The following KCNMB3 variants were observed in gnomAD, a reference collection of about 807,000 sequenced individuals.
The protein encoded by KCNMB3 is potassium calcium-activated channel subfamily M regulatory beta subunit 3.
In KCNMB3, 18 loss-of-function variants were observed where a neutral mutation model predicts 11.9. That is an observed-to-expected ratio of 1.51 (90% CI 1.04 to 2.23). The LOEUF (loss-of-function observed/expected upper bound fraction) is 2.23. Among genes scored for constraint, KCNMB3 ranks in the 30% most tolerant of loss-of-function variants. The pLI is 0.00. For missense variants in KCNMB3, 247 were observed against 329.4 expected (o/e 0.75, Z 1.94); for synonymous variants, 78 against 119.2 (o/e 0.65, Z 2.25).
chr3:179,261,192 C>T, intron 1 of KCNMB3: 3 of 1,342,518 alleles, frequency 2.2e-6, no homozygotes, highest in Non-Finnish European at 3.0e-6. Context: ...CGTTTTGCGG[C>T]GAGCCGGGCC....
chr3:179,256,141 G>T (rs1251382364), upstream of KCNMB3, among the ~76,000 whole-genome samples: 1 of 152,142 alleles, frequency 6.6e-6, no homozygotes, highest in Non-Finnish European at 1.5e-5. Flanking sequence ...GGTAAGTAAA[G>T]ATATTAACTC....
chr3:179,246,711 A>T (rs1199912278), intron 1 of KCNMB3, among the ~76,000 whole-genome samples: 1 of 152,226 alleles, frequency 6.6e-6, no homozygotes, highest in Admixed American at 6.5e-5. Flanking sequence ...GGCATCTTGA[A>T]ATAATAATTT....
intron 1 of KCNMB3, among the ~76,000 whole-genome samples, chr3:179,263,946 T>C (rs771344061): frequency 4.6e-5 from 7 of 151,550 alleles, no homozygotes; most frequent in Non-Finnish European, 1.0e-4. Flanking sequence ...GCTGGGATTA[T>C]AGGCGCCGGC....
At chr3:179,240,388 T>C (rs1190885451), downstream of KCNMB3, 16 of 217,410 alleles carry the variant, frequency 7.4e-5, no homozygotes, top group Non-Finnish European at 1.8e-5. Flanking sequence ...AATATATGTA[T>C]ATACATATAT....
chr3:179,251,577 C>T (rs1384107723), upstream of KCNMB3: 4 of 1,292,294 alleles, frequency 3.1e-6, no homozygotes, highest in African/African-American at 1.5e-5. Flanking sequence ...TGCCTGCAAA[C>T]CTGCTCCAGC....
At chr3:179,259,270 A>C in intron 1 of KCNMB3, 1 of 1,545,126 alleles carries the variant, frequency 6.5e-7, no homozygotes, top group Non-Finnish European at 8.7e-7. Context: ...GGTACGGTGC[A>C]GTGATCTGCA....
intron 1 of KCNMB3, chr3:179,259,920 A>T: frequency 1.2e-6 from 2 of 1,613,178 alleles, no homozygotes; most frequent in Non-Finnish European, 1.7e-6. Context: ...CTCATCCCTT[A>T]ATCCTTTTTC....
chr3:179,252,761 T>C (rs1441582205), upstream of KCNMB3, among the ~76,000 whole-genome samples: 2 of 148,828 alleles, frequency 1.3e-5, no homozygotes, highest in Admixed American at 1.3e-4. Context: ...AGATGGAGTC[T>C]CCCTCTGTCA....
intron 1 of KCNMB3, among the ~76,000 whole-genome samples, chr3:179,263,375 C>A (rs1429742535): frequency 6.6e-6 from 1 of 152,248 alleles, no homozygotes; most frequent in Non-Finnish European, 1.5e-5. Context: ...GCCCGGGTTC[C>A]CGCCCGCGCC....
intron 1 of KCNMB3, among the ~76,000 whole-genome samples, 185 bp downstream of exon 1, chr3:179,250,558 C>T (rs906909175): frequency 6.6e-6 from 1 of 152,136 alleles, no homozygotes; most frequent in African/African-American, 2.4e-5. Context: ...GACCTTCTCG[C>T]CACCTCTTCC....
chr3:179,253,383 A>T (rs1416318368), upstream of KCNMB3, among the ~76,000 whole-genome samples: 1 of 152,228 alleles, frequency 6.6e-6, no homozygotes, highest in Non-Finnish European at 1.5e-5. Context: ...AAGACTTTTT[A>T]TTTATAATTT....
At chr3:179,242,448 A>G (rs1725487812), downstream of KCNMB3, 2 of 152,250 alleles carry the variant, frequency 1.3e-5, no homozygotes, top group South Asian at 4.1e-4. Context: ...TGTTTTCTTA[A>G]GTTTTCTACC....
At chr3:179,259,148 GCTGT>G (rs1726118781) in intron 1 of KCNMB3, 1 of 1,568,624 alleles carries the variant, frequency 6.4e-7, no homozygotes. Flanking sequence ...TTAGGCTATT[GCTGT>G]CTAAAGCTTT....
chr3:179,260,194 C>A, intron 1 of KCNMB3: 1 of 1,613,560 alleles, frequency 6.2e-7, no homozygotes. Flanking sequence ...GTGTGGCTCC[C>A]ACCATCTAAG....
chr3:179,259,129 C>T, intron 1 of KCNMB3: 1 of 1,579,928 alleles, frequency 6.3e-7, no homozygotes, highest in Non-Finnish European at 8.6e-7. Context: ...GCCAACAAGT[C>T]ATGGTTTTTT....
intron 1 of KCNMB3, among the ~76,000 whole-genome samples, chr3:179,262,344 C>A (rs1480506044): frequency 6.6e-6 from 1 of 152,216 alleles, no homozygotes; most frequent in African/African-American, 2.4e-5. Context: ...AGCCGCGGAC[C>A]TTCGCAGTGA....
chr3:179,257,198 C>T (rs1263128615), intron 1 of KCNMB3, among the ~76,000 whole-genome samples: 1 of 152,182 alleles, frequency 6.6e-6, no homozygotes, highest in Non-Finnish European at 1.5e-5. Context: ...GATTGTCAGA[C>T]TAGATTTAAA....
intron 1 of KCNMB3, among the ~76,000 whole-genome samples, chr3:179,256,849 G>C (rs1227584090): frequency 6.6e-6 from 1 of 152,146 alleles, no homozygotes; most frequent in African/African-American, 2.4e-5. Flanking sequence ...ACTAAATGGA[G>C]TAAATGATCC....
At chr3:179,266,659 G>A (rs764992727) in exon 1 of KCNMB3, 1 of 1,614,096 alleles carries the variant, frequency 6.2e-7, no homozygotes, top group Non-Finnish European at 8.5e-7. Context: ...CTCCCCTGGC[G>A]CCTCCGGCTG....
Sources: gnomAD v4.1 joint callset for allele counts (sites outside exome capture counted in the v4.1 genomes callset) on GRCh38, gnomAD v4.1.1 for gene constraint, MANE v1.5 for transcripts, NCBI Gene and HGNC (gene_info 2026-07-23, HGNC 2026-07-21) for gene names.